The following CHD2 variants were observed in gnomAD, a reference collection of about 807,000 sequenced individuals.
CHD2 encodes the protein chromodomain helicase DNA binding protein 2.
A neutral mutation model predicts 243.9 loss-of-function variants in CHD2; 28 were observed. The observed-to-expected ratio is 0.11, with a 90% CI of 0.09 to 0.16. CHD2 has a LOEUF of 0.16. Ranked by LOEUF, CHD2 falls within the 10% of genes least tolerant of loss-of-function variation. The pLI, the probability that CHD2 is intolerant of heterozygous loss-of-function variation, is 1.00. For synonymous variants in CHD2, 775 were observed against 779.0 expected, an observed-to-expected ratio of 0.99 and a Z score of 0.09; for missense variants, 1,386 against 2,209.8, an observed-to-expected ratio of 0.63 and a Z score of 7.47.
At chr15:92,977,918 TTGTC>T (rs1257754609) in intron 20 of CHD2, among the ~76,000 whole-genome samples, 1 of 152,194 alleles carries the variant, frequency 6.6e-6, no homozygotes, top group African/African-American at 2.4e-5. Context: ...TGATAATTGT[TTGTC>T]TGTTTTTATT....
At chr15:92,917,114 T>C (rs1423679951) in intron 2 of CHD2, among the ~76,000 whole-genome samples, 5 of 152,234 alleles carry the variant, frequency 3.3e-5, no homozygotes, top group Admixed American at 2.6e-4. Flanking sequence ...TACTTTGTTA[T>C]GTGTACATTG....
intron 7 of CHD2, among the ~76,000 whole-genome samples, chr15:92,941,186 C>G (rs561488504): frequency 6.6e-6 from 1 of 151,014 alleles, no homozygotes. Flanking sequence ...TTAATCGATA[C>G]GGTCACCATG....
chr15:92,965,158 A>G (rs1162382713), intron 16 of CHD2: 1 of 152,216 alleles, frequency 6.6e-6, no homozygotes, highest in Non-Finnish European at 1.5e-5. Flanking sequence ...GAATCTTTAG[A>G]TGTAACATGG....
chr15:92,937,494 A>C, intron 5 of CHD2, 24 bp from the exon 6 acceptor site: 1 of 1,525,614 alleles, frequency 6.6e-7, no homozygotes, highest in Non-Finnish European at 8.9e-7. Context: ...GAAAAAAATT[A>C]CTTTGTTTTG....
rs1226003656 is a variant in CHD2, at chr15:92,998,899, T to G, written c.4008+278T>G. Among the ~76,000 whole-genome samples the G allele has an allele frequency of 1.3e-5, 2 of 151,782 alleles. No homozygotes were observed. The highest frequency in any genetic ancestry group is 4.8e-5 in the African/African-American group (2 of 41,310). On this transcript the variant is annotated intron_variant, in intron 31 of 38. Transcript: ENST00000394196. The surrounding 1 kb of genome is among the most constrained non-coding windows in gnomAD (Gnocchi z 5.1). ...GAGATTGAGACCATCCTGGCTAATA[T>G]GGTGAAACCCCGTCTCTACTAAAAA...
rs867398061 is a variant in CHD2 at position 92,974,958 on chromosome 15, A to G, written c.2577+8A>G. 5 of 1,612,214 alleles carry G rather than the reference A, an allele frequency of 3.1e-6. No homozygotes were observed. In the Middle Eastern group the frequency reaches 6.6e-4, roughly 213 times the overall value. On this transcript the variant is annotated splice_region_variant and intron_variant, in intron 20 of 38. Coordinates refer to ENST00000394196, the MANE Select transcript of CHD2 (RefSeq NM_001271.4). Reference sequence around the variant, plus strand: ...AATGCAGATGGGTCTGAGGTATACTATGCATGGCTTTGTTATTTGAGCAAC... The same window carrying G: ...AATGCAGATGGGTCTGAGGTATACTGTGCATGGCTTTGTTATTTGAGCAAC...
At chr15:92,924,799 C>A (rs2053026558) in intron 3 of CHD2, among the ~76,000 whole-genome samples, 1 of 152,050 alleles carries the variant, frequency 6.6e-6, no homozygotes, top group South Asian at 2.1e-4. Flanking sequence ...TGGTTTTTAA[C>A]TTTATTTATT....
chr15:92,982,406 G>A (rs1472435875), intron 24 of CHD2, among the ~76,000 whole-genome samples: 1 of 152,220 alleles, frequency 6.6e-6, no homozygotes, highest in Admixed American at 6.5e-5. Context: ...GAATTGAGAT[G>A]ATACAGCTTT....
At chr15:92,956,703 G>T in intron 16 of CHD2, 54 bp downstream of exon 16, 1 of 1,516,864 alleles carries the variant, frequency 6.6e-7, no homozygotes, top group Non-Finnish European at 8.9e-7. Flanking sequence ...AAATGCCAAT[G>T]CTTTTTAACT....
chr15:92,940,889 T>TA (rs56276607), intron 7 of CHD2, among the ~76,000 whole-genome samples: 1 of 131,812 alleles, frequency 7.6e-6, no homozygotes, highest in Admixed American at 8.2e-5. Flanking sequence ...TAAATATATA[T>TA]AAAAATATAT....
chr15:92,937,684 A>G (rs2053288862), intron 6 of CHD2, 59 bp downstream of exon 6: 1 of 1,261,196 alleles, frequency 7.9e-7, no homozygotes, highest in Admixed American at 2.0e-5. Context: ...TAGATTGGGA[A>G]GGATAATGTC....
At chr15:92,913,222 G>A (rs1010739467) in intron 2 of CHD2, among the ~76,000 whole-genome samples, 6 of 152,114 alleles carry the variant, frequency 3.9e-5, no homozygotes, top group African/African-American at 7.2e-5. Context: ...TGTGGGACGG[G>A]GTTTCGATCT....
chr15:92,930,226 C>T (rs545000954), intron 5 of CHD2, among the ~76,000 whole-genome samples: 87 of 152,290 alleles, frequency 5.7e-4, no homozygotes, highest in African/African-American at 1.9e-3. Context: ...TGATTACACC[C>T]TGGGAAATCC....
At chr15:92,968,994 A>G (rs986768920) in intron 17 of CHD2, among the ~76,000 whole-genome samples, 5 of 152,202 alleles carry the variant, frequency 3.3e-5, no homozygotes, top group African/African-American at 4.8e-5. Flanking sequence ...TCAGCCATTT[A>G]TCCAAGAAGT....
intron 5 of CHD2, among the ~76,000 whole-genome samples, chr15:92,930,868 A>G (rs886379233): frequency 1.3e-5 from 2 of 152,104 alleles, no homozygotes; most frequent in Non-Finnish European, 2.9e-5. Context: ...AGGGCTGTTC[A>G]TAGGAACTGC....
chr15:92,961,937 C>T (rs1464479526), intron 16 of CHD2, among the ~76,000 whole-genome samples: 5 of 123,756 alleles, frequency 4.0e-5, no homozygotes, highest in Non-Finnish European at 6.3e-5. Flanking sequence ...GGCTGGAGTG[C>T]AGGGTGCGAT....
chr15:92,958,449 C>T (rs138365508), intron 16 of CHD2, among the ~76,000 whole-genome samples: 127 of 152,116 alleles, frequency 8.3e-4, no homozygotes, highest in African/African-American at 2.0e-3. Context: ...CGTCGTGTTC[C>T]GTCATTGGAA....
intron 17 of CHD2, among the ~76,000 whole-genome samples, chr15:92,968,773 C>T (rs547966190): frequency 3.9e-5 from 6 of 152,244 alleles, no homozygotes; most frequent in Non-Finnish European, 8.8e-5. Context: ...ATTATGAACT[C>T]ATCAATTACA....
chr15:92,927,306 A>G lies in CHD2; in HGVS notation c.357A>G (p.Pro119=), dbSNP rs770307318. The G allele has an allele frequency of 6.2e-6, 10 of 1,613,028 alleles. No individual in the cohort carries two copies. The highest frequency in any genetic ancestry group is 4.0e-5 in the African/African-American group (3 of 74,924). The change falls in exon 4 of 39, where the codon CCA becomes CCG. Residue 119 remains proline, a synonymous_variant. Transcript: ENST00000394196. ...VRRSNRSRQE[P]SRFNIKEEAS... Reference sequence around the variant, plus strand: ...GGTCAAACCGAAGCAGACAAGAACCATCGCGATTTAATATTAAGGAAGAGG... The same window carrying G: ...GGTCAAACCGAAGCAGACAAGAACCGTCGCGATTTAATATTAAGGAAGAGG...
Sources: gnomAD v4.1 joint callset for allele counts (sites outside exome capture counted in the v4.1 genomes callset) on GRCh38, gnomAD v4.1.1 for gene constraint, Gnocchi (gnomAD v3.1) non-coding constraint, MANE v1.5 for transcripts, NCBI Gene and HGNC (gene_info 2026-07-23, HGNC 2026-07-21) for gene names.